Variants in TTC28 observed in about 807,000 individuals in gnomAD.
The protein encoded by TTC28 is tetratricopeptide repeat protein 28.
TTC28 carries 61 observed loss-of-function variants against 198.0 expected under a neutral mutation model. The observed-to-expected ratio is 0.31, with a 90% CI of 0.25 to 0.38. The LOEUF (loss-of-function observed/expected upper bound fraction) is 0.38, where lower values mean the gene tolerates loss of function less well. Among genes scored for constraint, TTC28 ranks in the 10% least tolerant of loss-of-function variants. The pLI is 1.00. For synonymous variants in TTC28, 1,171 were observed against 1,297.8 expected (o/e 0.90, Z 2.10); for missense variants, 2,678 against 3,164.0 (o/e 0.85, Z 3.69).
chr22:28,663,348 C>CAGA (rs1045625975), intron 1 of TTC28, among the ~76,000 whole-genome samples: 3 of 145,622 alleles, frequency 2.1e-5, no homozygotes, highest in Admixed American at 2.0e-4. Context: ...GTGAGCGACA[C>CAGA]AGAAGACGGG....
At chr22:28,541,849 G>A (rs1383017904) in intron 2 of TTC28, among the ~76,000 whole-genome samples, 1 of 151,978 alleles carries the variant, frequency 6.6e-6, no homozygotes, top group Non-Finnish European at 1.5e-5. Context: ...AACACTTTGG[G>A]AGGTCAAAGC....
chr22:28,574,780 T>C (rs2050120152), intron 2 of TTC28, among the ~76,000 whole-genome samples: 1 of 152,226 alleles, frequency 6.6e-6, no homozygotes, highest in African/African-American at 2.4e-5. Context: ...TAAACAATGA[T>C]GTTGAACAGC....
intron 6 of TTC28, among the ~76,000 whole-genome samples, chr22:28,120,294 A>T (rs1482489176): frequency 6.6e-6 from 1 of 152,126 alleles, no homozygotes; most frequent in Non-Finnish European, 1.5e-5. Flanking sequence ...AAATTCAAAA[A>T]TGTTTGCTAT....
chr22:28,532,169 T>TA (rs2049154956), intron 2 of TTC28, among the ~76,000 whole-genome samples: 1 of 151,416 alleles, frequency 6.6e-6, no homozygotes, highest in South Asian at 2.1e-4. Flanking sequence ...GCAAGACTAA[T>TA]AGAGAAGAAA....
At chr22:28,144,956 C>G (rs958866741) in intron 6 of TTC28, among the ~76,000 whole-genome samples, 11 of 152,202 alleles carry the variant, frequency 7.2e-5, no homozygotes, top group African/African-American at 2.4e-4. Context: ...TTGGGAGGAA[C>G]CTGATGGTCA....
intron 2 of TTC28, among the ~76,000 whole-genome samples, chr22:28,576,466 A>T (rs1428611480): frequency 1.3e-5 from 2 of 151,860 alleles, no homozygotes; most frequent in Non-Finnish European, 2.9e-5. Flanking sequence ...ATGAACCTTT[A>T]TCTAGTTTTC....
intron 2 of TTC28, among the ~76,000 whole-genome samples, chr22:28,523,146 G>C (rs1347810683): frequency 6.6e-6 from 1 of 151,960 alleles, no homozygotes; most frequent in Non-Finnish European, 1.5e-5. Context: ...GAGATCAAAA[G>C]TGAAAAAATA....
rs111345229 is a variant in TTC28 at position 28,187,922 on chromosome 22, T to C, written c.934-24323A>G. Among the ~76,000 whole-genome samples, 8 of 152,354 alleles carry C rather than the reference T, an allele frequency of 5.3e-5. 1 individual carries two copies. The East Asian group carries it at 7.7e-4, about 15-fold the overall frequency. ...CACAATGGCAGAATCTAGATTTACA[T>C]TGTAAGCATTCTGCTTTAAGAAACA... On this transcript the variant is annotated intron_variant, in intron 5 of 22. Transcript: ENST00000397906.
intron 6 of TTC28, among the ~76,000 whole-genome samples, chr22:28,137,572 G>C (rs2146978951): frequency 6.6e-6 from 1 of 152,138 alleles, no homozygotes; most frequent in Middle Eastern, 3.4e-3. Context: ...TTCTCCACAG[G>C]AGCTTGAGCA....
At chr22:28,426,971 G>A (rs905107403) in intron 2 of TTC28, among the ~76,000 whole-genome samples, 2 of 152,122 alleles carry the variant, frequency 1.3e-5, no homozygotes, top group Non-Finnish European at 2.9e-5. Context: ...TTTCCCAATT[G>A]TGAAATTCAC....
chr22:28,307,242 A>G (rs980706661), intron 2 of TTC28, among the ~76,000 whole-genome samples: 1 of 152,190 alleles, frequency 6.6e-6, no homozygotes, highest in African/African-American at 2.4e-5. Flanking sequence ...TATCCTTTGT[A>G]TTCTTTAAGT....
At chr22:28,537,766 T>TA (rs1309483921) in intron 2 of TTC28, among the ~76,000 whole-genome samples, 7 of 152,346 alleles carry the variant, frequency 4.6e-5, no homozygotes. Flanking sequence ...ACTGTTAAAC[T>TA]ACAATACATC....
chr22:28,347,177 T>C (rs1030433129), intron 2 of TTC28, among the ~76,000 whole-genome samples: 3 of 151,482 alleles, frequency 2.0e-5, no homozygotes, highest in Non-Finnish European at 4.4e-5. Flanking sequence ...GGTGGGAGAA[T>C]TGCTTGAACC....
rs759989492 is a variant in TTC28 at position 27,982,454 on chromosome 22, CCTT to C, written c.7210_7212del (p.Lys2404del). Reference sequence around the variant, plus strand: ...AGTTCAAGCTTATCCACTCCCTCCTCCTTCTTATTGTGCCGTGGTGACAAATTC... The same window carrying C: ...AGTTCAAGCTTATCCACTCCCTCCTCCTTATTGTGCCGTGGTGACAAATTC... On this transcript the variant is annotated inframe_deletion, in exon 23 of 23. Coordinates refer to ENST00000397906, the MANE Select transcript of TTC28 (RefSeq NM_001145418.2). This position sits in a 1 kb window ranked among gnomAD's most constrained non-coding sequence, Gnocchi z 5.2. The C allele has an allele frequency of 7.7e-6, 12 of 1,551,444 alleles. No homozygotes were observed. Among genetic ancestry groups the C allele is most frequent in the African/African-American group, 4.1e-5 (3 of 72,984 alleles).
chr22:28,107,377 A>T lies in TTC28; in HGVS notation c.2468T>A (p.Leu823Gln). Reference sequence around the variant, plus strand: ...ACTCGGATCCTTCAGCTTTTGCCCTAGATCCAGTTGCTCTTCATAACACTT... The same window carrying T: ...ACTCGGATCCTTCAGCTTTTGCCCTTGATCCAGTTGCTCTTCATAACACTT... ...AFKCYEEQLD[L>Q]GQKLKDPSLE... The change falls in exon 7 of 23, where the codon CTA becomes CAA. Residue 823 changes from leucine (L) to glutamine (Q), a missense_variant. By Grantham distance (113) the Leu-to-Gln change is moderately radical (BLOSUM62 -2). Around this residue, in one of 8 missense-constraint regions of TTC28, gnomAD observed 775 missense variants for 845.9 expected, o/e 0.92. Transcript: ENST00000397906. The T allele has an allele frequency of 6.4e-7, 1 of 1,551,880 alleles. No individual in the cohort carries two copies. Among genetic ancestry groups the T allele is most frequent in the Non-Finnish European group, 8.7e-7 (1 of 1,147,042 alleles).
intron 5 of TTC28, among the ~76,000 whole-genome samples, chr22:28,261,011 ATCC>A (rs1931281523): frequency 1.3e-5 from 2 of 152,276 alleles, no homozygotes; most frequent in African/African-American, 4.8e-5. Context: ...CCTCTAGGAA[ATCC>A]TCCTACTCTG....
intron 5 of TTC28, among the ~76,000 whole-genome samples, chr22:28,204,928 G>C (rs1253366474): frequency 6.6e-6 from 1 of 152,060 alleles, no homozygotes; most frequent in East Asian, 1.9e-4. Context: ...CATATTCCCT[G>C]TCCTTGTCTT....
chr22:28,305,383 T>C (rs1442202581), intron 3 of TTC28, among the ~76,000 whole-genome samples: 1 of 152,154 alleles, frequency 6.6e-6, no homozygotes, highest in Non-Finnish European at 1.5e-5. Flanking sequence ...TGACACTTTC[T>C]TCCTAAAATA....
chr22:28,141,197 C>T (rs1263342706), intron 6 of TTC28, among the ~76,000 whole-genome samples: 6 of 152,160 alleles, frequency 3.9e-5, no homozygotes, highest in African/African-American at 1.2e-4. Flanking sequence ...CTTGACCACA[C>T]GATTGAAAAT....
Sources: gnomAD v4.1 joint callset for allele counts (sites outside exome capture counted in the v4.1 genomes callset) on GRCh38, gnomAD v4.1.1 for gene constraint, gnomAD v4.1.1 regional missense constraint, Gnocchi (gnomAD v3.1) non-coding constraint, MANE v1.5 for transcripts, NCBI Gene and HGNC (gene_info 2026-07-23, HGNC 2026-07-21) for gene names.